The following RTEL1 variants were observed in gnomAD, a reference collection of about 807,000 sequenced individuals.
RTEL1 encodes the protein regulator of telomere length.
In RTEL1, 86 loss-of-function variants were observed where a neutral mutation model predicts 162.2. The observed-to-expected ratio is 0.53, with a 90% CI of 0.45 to 0.63. The LOEUF (loss-of-function observed/expected upper bound fraction) is 0.63. Ranked by LOEUF, RTEL1 falls within the 30% of genes least tolerant of loss-of-function variation. The pLI is 0.00. For synonymous variants in RTEL1, 958 were observed against 717.9 expected, an observed-to-expected ratio of 1.33 and a Z score of -5.35; for missense variants, 1,941 against 1,750.2, an observed-to-expected ratio of 1.11 and a Z score of -1.95.
Position 63,694,885 on chromosome 20 carries a change from C to T in RTEL1, c.3254C>T (p.Ala1085Val), listed in dbSNP as rs771545243. 40 of 1,612,554 alleles carry T rather than the reference C, an allele frequency of 2.5e-5. No individual in the cohort carries two copies. The East Asian group carries it at 6.2e-4, about 25-fold the overall frequency. The stretch of plus-strand genomic sequence containing the variant: ...AGCCAACTCTTGGCAGCGCTGACAG[C>T]CTATAAGCAAGACGACGACCTCGAC... ...GCSQLLAALT[A>V]YKQDDDLDKV... The change falls in exon 32 of 35, where the codon GCC (alanine) becomes GTC (valine). Residue 1085 changes from alanine to valine, a missense_variant. Transcript: ENST00000360203.
Position 63,690,386 on chromosome 20 carries a change from C to G in RTEL1, c.2358C>G (p.Thr786=). The change falls in exon 26 of 35, where the codon ACC becomes ACG. Residue 786 remains threonine, a synonymous_variant. Transcript: ENST00000360203. ...AGTCGCCTGGCCCCTTCTTCTCCAC[C>G]AGGAAAGCTAAGAGTCTGGACCTGC... ...EAKSPGPFFS[T]RKAKSLDLHV... is the part of the protein sequence containing the mutation. 1 of 1,611,192 alleles carries G rather than the reference C, an allele frequency of 6.2e-7. No individual in the cohort carries two copies. Among genetic ancestry groups the G allele is most frequent in the Non-Finnish European group, 8.5e-7 (1 of 1,179,168 alleles).
chr20:63,693,364 G>A, intron 30 of RTEL1, 81 bp downstream of exon 30: 3 of 1,545,856 alleles, frequency 1.9e-6, no homozygotes, highest in Middle Eastern at 2.1e-4. Context: ...CTTGGGGTGG[G>A]CATCCTCGGG....
intron 8 of RTEL1, among the ~76,000 whole-genome samples, chr20:63,667,962 G>A (rs181949721): frequency 2.1e-5 from 3 of 141,440 alleles, no homozygotes; most frequent in East Asian, 4.2e-4. Context: ...GCATGTGCCC[G>A]GCTTCACACT....
intron 21 of RTEL1, 31 bp from the exon 22 acceptor site, chr20:63,689,024 C>T (rs1225211599): frequency 5.0e-6 from 8 of 1,592,160 alleles, no homozygotes; most frequent in Middle Eastern, 3.3e-4. Context: ...GGGGGGGGCT[C>T]CAGGCTCAGC....
chr20:63,682,117 C>G (rs753616995), intron 14 of RTEL1: 83 of 985,334 alleles, frequency 8.4e-5, no homozygotes, highest in Non-Finnish European at 8.4e-5. Flanking sequence ...ATACAGCTTC[C>G]CAGGCTCCCA....
At chr20:63,693,039 C>T (rs1413012136) in intron 29 of RTEL1, 36 bp downstream of exon 29, 31 of 1,610,500 alleles carry the variant, frequency 1.9e-5, no homozygotes, top group Non-Finnish European at 2.5e-5. Context: ...ACCCTGAGGG[C>T]AGTGCTGCCG....
chr20:63,683,472 T>C (rs925517827), intron 14 of RTEL1, among the ~76,000 whole-genome samples: 2 of 152,200 alleles, frequency 1.3e-5, no homozygotes, highest in Non-Finnish European at 2.9e-5. Flanking sequence ...TCTCTCTCCT[T>C]CTGTGCGTAC....
At chr20:63,672,405 G>C in intron 8 of RTEL1, 151 bp from the exon 9 acceptor site, 1 of 673,338 alleles carries the variant, frequency 1.5e-6, no homozygotes, top group South Asian at 1.7e-5. Context: ...GGTGTTGCCA[G>C]GTCATCCAGG....
chr20:63,683,060 C>T (rs762882414), intron 14 of RTEL1, among the ~76,000 whole-genome samples: 8 of 152,138 alleles, frequency 5.3e-5, no homozygotes, highest in Non-Finnish European at 1.2e-4. Flanking sequence ...ACCTCCTGGG[C>T]CCAAGTGATC....
intron 8 of RTEL1, among the ~76,000 whole-genome samples, chr20:63,670,705 C>T (rs550557760): frequency 1.5e-3 from 234 of 152,130 alleles, no homozygotes; most frequent in Non-Finnish European, 1.7e-3. Flanking sequence ...CATATGTGGC[C>T]AGGCTCAGTG....
rs146459554 is a variant in RTEL1, at chr20:63,687,798, G to C, written c.1481+28G>C. On this transcript the variant is annotated intron_variant, in intron 17 of 34. Coordinates refer to ENST00000360203, the MANE Select transcript of RTEL1 (RefSeq NM_001283009.2). Reference sequence around the variant, plus strand: ...ACGGGCCACCCCTGCCAGGGCCTGAGCACCGGTGACACCTCTGACATCAGC... The same window carrying C: ...ACGGGCCACCCCTGCCAGGGCCTGACCACCGGTGACACCTCTGACATCAGC... 227 of 1,557,014 alleles carry C rather than the reference G, an allele frequency of 1.5e-4. 1 individual carries two copies. The African/African-American group carries it at 2.9e-3, about 20-fold the overall frequency.
Position 63,688,049 on chromosome 20 carries a change from C to T in RTEL1, c.1594C>T (p.Arg532Trp), listed in dbSNP as rs779050514. Residue 532 changes from arginine (R) to tryptophan (W), a missense_variant and splice_region_variant, in exon 18 of 35, where the codon CGG becomes TGG. Coordinates refer to ENST00000360203, the MANE Select transcript of RTEL1 (RefSeq NM_001283009.2). ...GAQLSSAFDR[R>W]FSEECLSSLG... Reference sequence around the variant, plus strand: ...CCAGTTGAGCTCCGCGTTTGACAGACGGTGAGGGCCTGTCCCTGGGCCCTG... The same window carrying T: ...CCAGTTGAGCTCCGCGTTTGACAGATGGTGAGGGCCTGTCCCTGGGCCCTG... 69 of 1,612,600 alleles carry T rather than the reference C, an allele frequency of 4.3e-5. No individual in the cohort carries two copies. In the Admixed American group the frequency reaches 6.2e-4, roughly 14 times the overall value.
chr20:63,661,164 G>C lies in RTEL1; in HGVS notation c.103-134G>C, dbSNP rs1203611823. The C allele has an allele frequency of 3.9e-6, 3 of 774,264 alleles. No individual in the cohort carries two copies. The highest frequency in any genetic ancestry group is 1.7e-5 in the African/African-American group (1 of 57,552). The allele number at this position is 774,264 out of a possible 1,614,324, so 48.0% of individuals were successfully genotyped here. On this transcript the variant is annotated intron_variant, in intron 2 of 34. Transcript: ENST00000360203. This position sits in a 1 kb window ranked among gnomAD's most constrained non-coding sequence, Gnocchi z 5.1. The stretch of plus-strand genomic sequence containing the variant: ...GTGGACTTCTCCGCGGTCCCACAGG[G>C]CTCTCGCCACCTGGCAGTGGCCTCT...
chr20:63,678,057 T>C (rs2090391405), intron 10 of RTEL1, 88 bp from the exon 11 acceptor site: 1 of 1,506,644 alleles, frequency 6.6e-7, no homozygotes, highest in African/African-American at 1.4e-5. Flanking sequence ...GGTGTCCTTT[T>C]TTCCATGCCA....
intron 27 of RTEL1, 102 bp from the exon 28 acceptor site, chr20:63,691,626 ACCTCCATCTTGGCT>A: frequency 1.2e-6 from 1 of 843,054 alleles, no homozygotes; most frequent in Non-Finnish European, 1.9e-6. Flanking sequence ...CCCTCCCCCG[ACCTCCATCTTGGCT>A]CAGGGCTCCT....
In RTEL1 at chr20:63,695,998, G is replaced by A; in HGVS notation, c.*140G>A. 2.4e-6 allele frequency: 2 copies of A among 822,074 alleles called. No homozygotes were observed. The highest frequency in any genetic ancestry group is 3.8e-6 in the Non-Finnish European group (2 of 531,690). 50.9% of individuals were successfully genotyped at this position (822,074 alleles called of 1,614,324 possible). A position where few individuals can be genotyped will look rare whatever the true frequency, so the allele number is the denominator to read the frequency against. ...CCGCTGCAGGCCTCAGGCAGGCGGG[G>A]CCCATGGTTGGTCCCTGCGGTGGGA... On this transcript the variant is annotated 3_prime_UTR_variant, in exon 35 of 35. Transcript: ENST00000360203.
intron 4 of RTEL1, chr20:63,662,301 T>C (rs1381114089): frequency 1.4e-6 from 1 of 702,268 alleles, no homozygotes; most frequent in Non-Finnish European, 2.5e-6. Context: ...AGAGTCTTGG[T>C]GTTCTGTCGG....
chr20:63,660,572 C>T (rs1351616428), intron 2 of RTEL1: 2 of 152,500 alleles, frequency 1.3e-5, no homozygotes, highest in Non-Finnish European at 2.9e-5. Context: ...TTAACAGCAT[C>T]TTAGGGCAAA....
chr20:63,686,116 C>G, intron 16 of RTEL1: 1 of 572,208 alleles, frequency 1.7e-6, no homozygotes, highest in African/African-American at 1.9e-5. Context: ...TTGGTGGTGG[C>G]AGAGCCACAG....
Sources: gnomAD v4.1 joint callset for allele counts (sites outside exome capture counted in the v4.1 genomes callset) on GRCh38, gnomAD v4.1.1 for gene constraint, Gnocchi (gnomAD v3.1) non-coding constraint, MANE v1.5 for transcripts, NCBI Gene and HGNC (gene_info 2026-07-23, HGNC 2026-07-21) for gene names.